The following SLC17A5 variants were observed in gnomAD, a reference collection of about 807,000 sequenced individuals.
SLC17A5 encodes solute carrier family 17 member 5, also known as sialin.
In SLC17A5, 47 loss-of-function variants were observed where a neutral mutation model predicts 59.4. The observed-to-expected ratio is 0.79, with a 90% confidence interval of 0.63 to 1.01. The LOEUF (loss-of-function observed/expected upper bound fraction) is 1.01. Among genes scored for constraint, SLC17A5 ranks in the 50% least tolerant of loss-of-function variants. SLC17A5 has a pLI of 0.00. For missense variants in SLC17A5, 522 were observed against 595.5 expected (o/e 0.88, Z 1.28); for synonymous variants, 202 against 210.7 (o/e 0.96, Z 0.36).
rs1408353721 is a variant in SLC17A5, at chr6:73,652,370, A to T, written c.94+1423T>A. 5.9e-5 allele frequency among the ~76,000 whole-genome samples: 9 copies of T among 152,376 alleles called. No individual in the cohort carries two copies. In the East Asian group the frequency reaches 1.5e-3, roughly 26 times the overall value. ...TCCATCTCAATCTTTATTGAGATGT[A>T]TAACTTTTCTATCCACATCTCTGCT... On this transcript the variant is annotated intron_variant, in intron 1 of 10. Transcript: ENST00000355773.
Position 73,621,788 on chromosome 6 carries a change from GATT to G in SLC17A5, c.978+13_978+15del. On this transcript the variant is annotated intron_variant, in intron 7 of 10. Coordinates refer to ENST00000355773, the MANE Select transcript of SLC17A5 (RefSeq NM_012434.5). ...TATACTATATATATAAGAAGCAGAT[GATT>G]ATTTTTTCTTACCTCTTGAACATTG... The G allele has an allele frequency of 6.3e-7, 1 of 1,576,782 alleles. No homozygotes were observed. The highest frequency in any genetic ancestry group is 1.3e-5 in the African/African-American group (1 of 74,094).
chr6:73,649,200 G>A (rs1433429436), intron 1 of SLC17A5, among the ~76,000 whole-genome samples: 1 of 152,124 alleles, frequency 6.6e-6, no homozygotes, highest in East Asian at 1.9e-4. Flanking sequence ...ATTTCACCAT[G>A]TTAGCCAGGC....
intron 6 of SLC17A5, among the ~76,000 whole-genome samples, chr6:73,629,829 A>G (rs938262341): frequency 2.0e-5 from 3 of 152,164 alleles, no homozygotes; most frequent in African/African-American, 7.2e-5. Flanking sequence ...AATAGCAGAT[A>G]TATAGGAAAG....
chr6:73,613,902 G>T (rs1703463), intron 8 of SLC17A5, among the ~76,000 whole-genome samples: 63,270 of 151,270 alleles, frequency 0.42, 13,999 homozygotes, highest in African/African-American at 0.56. Context: ...CAGGATTGCT[G>T]AAGGCCAGGA....
At chr6:73,649,000 A>C (rs1027832095) in intron 1 of SLC17A5, among the ~76,000 whole-genome samples, 1 of 145,180 alleles carries the variant, frequency 6.9e-6, no homozygotes, top group African/African-American at 2.5e-5. Context: ...ATAATATATA[A>C]TTTTTTTTTT....
Position 73,653,822 on chromosome 6 carries a change from A to G in SLC17A5, c.65T>C (p.Leu22Pro). ...DGEESTDRTP[L>P]LPGAPRAEAA... ...TTCGGCCCGTGGGGCGCCCGGTAGA[A>G]GAGGCGTGCGGTCCGTGCTCTCCTC... Residue 22 changes from leucine (L) to proline (P), a missense_variant, in exon 1 of 11, where the codon CTT becomes CCT. By Grantham distance (98) the Leu-to-Pro change is moderately conservative (BLOSUM62 -3). This residue lies in a region of SLC17A5 where 338 missense variants were observed against 363.8 expected (regional missense o/e 0.93). Coordinates refer to ENST00000355773, the MANE Select transcript of SLC17A5 (RefSeq NM_012434.5). The G allele has an allele frequency of 6.2e-7, 1 of 1,601,510 alleles. No individual in the cohort carries two copies. The highest frequency in any genetic ancestry group is 8.5e-7 in the Non-Finnish European group (1 of 1,175,342).
At position 73,653,838 on chromosome 6, in the gene SLC17A5, T is replaced by C. The variant is rs1430387669; in HGVS notation, c.49A>G (p.Thr17Ala). 6.2e-7 allele frequency: 1 copy of C among 1,605,652 alleles called. No homozygotes were observed. Among genetic ancestry groups the C allele is most frequent in the Non-Finnish European group, 8.5e-7 (1 of 1,177,142 alleles). Residue 17 changes from threonine to alanine, a missense_variant, in exon 1 of 11, where the codon ACG becomes GCG. Coordinates refer to ENST00000355773, the MANE Select transcript of SLC17A5 (RefSeq NM_012434.5). ...DLARNDGEES[T>A]DRTPLLPGAP... ...CCCGGTAGAAGAGGCGTGCGGTCCG[T>C]GCTCTCCTCGCCATCGTTCCGGGCC...
In SLC17A5 at chr6:73,594,100, C is replaced by G. The variant is rs1217243049; in HGVS notation, c.*977G>C. The stretch of plus-strand genomic sequence containing the variant: ...GTGGCGTGATCTTGGTTCACTGCAA[C>G]TTCCACCTCCCAGGTTCAAGTGATT... On this transcript the variant is annotated 3_prime_UTR_variant, in exon 11 of 11. Transcript: ENST00000355773. 6.6e-6 allele frequency: 1 copy of G among 151,748 alleles called. No individual in the cohort carries two copies. Among genetic ancestry groups the G allele is most frequent in the Non-Finnish European group, 1.5e-5 (1 of 67,968 alleles). The allele number at this position is 151,748 out of a possible 1,614,324, so 9.4% of individuals were successfully genotyped here. A position where few individuals can be genotyped will look rare whatever the true frequency, so the allele number is the denominator to read the frequency against.
chr6:73,652,174 T>C (rs1769903813), intron 1 of SLC17A5, among the ~76,000 whole-genome samples: 1 of 152,182 alleles, frequency 6.6e-6, no homozygotes, highest in South Asian at 2.1e-4. Flanking sequence ...AAGGAAATGG[T>C]TGTAACAAAC....
At chr6:73,599,814 T>A (rs1162041701) in intron 10 of SLC17A5, among the ~76,000 whole-genome samples, 2 of 152,158 alleles carry the variant, frequency 1.3e-5, no homozygotes, top group Non-Finnish European at 2.9e-5. Context: ...CTTTTTTTTT[T>A]TTTGAGACGG....
intron 9 of SLC17A5, among the ~76,000 whole-genome samples, chr6:73,604,732 C>T (rs1363517975): frequency 6.6e-6 from 1 of 152,102 alleles, no homozygotes. Flanking sequence ...GCCTGGGTGA[C>T]AGGGTGTGAC....
intron 1 of SLC17A5, among the ~76,000 whole-genome samples, 199 bp from the exon 2 acceptor site, chr6:73,644,802 T>C (rs560486961): frequency 3.9e-5 from 6 of 152,234 alleles, no homozygotes; most frequent in African/African-American, 7.2e-5. Context: ...TTACATGATA[T>C]TGTCTAAATA....
intron 3 of SLC17A5, 82 bp from the exon 4 acceptor site, chr6:73,638,581 CA>C: frequency 3.6e-6 from 4 of 1,105,868 alleles, no homozygotes; most frequent in Non-Finnish European, 5.4e-6. Context: ...TATTTTGCTA[CA>C]AAAGCATTTT....
chr6:73,602,709 A>T (rs1319235078), intron 9 of SLC17A5, among the ~76,000 whole-genome samples: 2 of 150,542 alleles, frequency 1.3e-5, no homozygotes, highest in Non-Finnish European at 2.9e-5. Flanking sequence ...TGGGAGGCGG[A>T]GCTTGCAGTG....
At position 73,653,850 on chromosome 6, in the gene SLC17A5, C is replaced by T; in HGVS notation, c.37G>A (p.Gly13Ser). The T allele has an allele frequency of 6.2e-7, 1 of 1,607,260 alleles. No individual in the cohort carries two copies. Among genetic ancestry groups the T allele is most frequent in the African/African-American group, 1.3e-5 (1 of 74,882 alleles). Residue 13 changes from glycine (G) to serine (S), a missense_variant, in exon 1 of 11, where the codon GGC (glycine) becomes AGC (serine). Physicochemically the swap from Gly to Ser is moderately conservative, Grantham distance 56 (BLOSUM62 0). Coordinates refer to ENST00000355773, the MANE Select transcript of SLC17A5 (RefSeq NM_012434.5). The stretch of plus-strand genomic sequence containing the variant: ...GGCGTGCGGTCCGTGCTCTCCTCGC[C>T]ATCGTTCCGGGCCAGGTCTCGAACC... ...SPVRDLARNDGEESTDRTPLL... is the reference protein window; with the variant it reads ...SPVRDLARNDSEESTDRTPLL...
chr6:73,605,508 G>T (rs1034220637), intron 9 of SLC17A5, among the ~76,000 whole-genome samples: 16 of 152,062 alleles, frequency 1.1e-4, no homozygotes, highest in African/African-American at 3.4e-4. Context: ...CCTGCAACTA[G>T]AAATAACTGA....
At chr6:73,639,861 C>T (rs1379940609) in intron 3 of SLC17A5, among the ~76,000 whole-genome samples, 3 of 152,118 alleles carry the variant, frequency 2.0e-5, no homozygotes, top group South Asian at 2.1e-4. Flanking sequence ...GCCTGGCCAA[C>T]ATGGTGAAAC....
intron 9 of SLC17A5, 22 bp from the exon 10 acceptor site, chr6:73,600,463 C>A: frequency 6.6e-7 from 1 of 1,523,854 alleles, no homozygotes; most frequent in Non-Finnish European, 9.1e-7. Context: ...TTTTCATAGA[C>A]GTTTATTATT....
At chr6:73,627,982 G>A (rs1278588059) in intron 6 of SLC17A5, among the ~76,000 whole-genome samples, 1 of 151,208 alleles carries the variant, frequency 6.6e-6, no homozygotes, top group African/African-American at 2.4e-5. Flanking sequence ...GTGCAGAGGC[G>A]CGATCACGGC....
Sources: gnomAD v4.1 joint callset for allele counts (sites outside exome capture counted in the v4.1 genomes callset) on GRCh38, gnomAD v4.1.1 for gene constraint, gnomAD v4.1.1 regional missense constraint, MANE v1.5 for transcripts, NCBI Gene and HGNC (gene_info 2026-07-23, HGNC 2026-07-21) for gene names.